The following ARHGAP29 variants were observed in gnomAD, a reference collection of about 807,000 sequenced individuals.
ARHGAP29 encodes the protein rho GTPase-activating protein 29.
ARHGAP29 carries 43 observed loss-of-function variants against 122.6 expected under a neutral mutation model. That is an observed-to-expected ratio of 0.35 (90% CI 0.27 to 0.45). The LOEUF is 0.45. ARHGAP29 is among the 20% of genes least tolerant of loss of function. The probability of loss-of-function intolerance (pLI) is 1.00; values close to 1 mark genes in which losing one functional copy is unlikely to be tolerated. For synonymous variants in ARHGAP29, 506 were observed against 497.1 expected, an observed-to-expected ratio of 1.02 and a Z score of -0.24; for missense variants, 1,303 against 1,477.2, an observed-to-expected ratio of 0.88 and a Z score of 1.93.
chr1:94,292,453 C>T, the ARHGAP29 span, among the ~76,000 whole-genome samples: 15 of 152,128 alleles, frequency 9.9e-5, no homozygotes, highest in Admixed American at 3.3e-4. Flanking sequence ...AGCCTACTTC[C>T]GTCAACTTGT....
At chr1:94,282,373 C>T in the ARHGAP29 span, among the ~76,000 whole-genome samples, 1 of 151,872 alleles carries the variant, frequency 6.6e-6, no homozygotes, top group African/African-American at 2.4e-5. Context: ...GCAGCCTTGA[C>T]CTCCTGGACT....
chr1:94,257,793 C>T (rs908797629), intron 1 of ARHGAP29, among the ~76,000 whole-genome samples: 1 of 152,150 alleles, frequency 6.6e-6, no homozygotes, highest in Non-Finnish European at 1.5e-5. Flanking sequence ...TGCTCTATAA[C>T]AGCAGCAAGG....
chr1:94,265,845 C>T (rs1461929237), intron 1 of ARHGAP29, among the ~76,000 whole-genome samples: 2 of 152,088 alleles, frequency 1.3e-5, no homozygotes, highest in Non-Finnish European at 2.9e-5. Context: ...TGCTATTTCA[C>T]CAGAGGGAAT....
In ARHGAP29 at chr1:94,185,475, T is replaced by C. The variant is rs774576132; in HGVS notation, c.1787A>G (p.Asn596Ser). 1.6e-5 allele frequency: 26 copies of C among 1,603,046 alleles called. No individual in the cohort carries two copies. The Admixed American group carries it at 4.2e-4, about 26-fold the overall frequency. Residue 596 changes from asparagine (N) to serine (S), a missense_variant, in exon 17 of 23, where the codon AAT becomes AGT. Physicochemically the swap from Asn to Ser is conservative, Grantham distance 46. This residue lies in a region of ARHGAP29 where 91 missense variants were observed against 177.8 expected (regional missense o/e 0.51). Coordinates refer to ENST00000260526, the MANE Select transcript of ARHGAP29 (RefSeq NM_004815.4). ...EPPSPSETGP[N>S]SLGTFKKTLM... ...TGTTTTCTTAAATGTTCCAAGGGAA[T>C]TGGGTCCTTGCAAGAGAAATAATTT...
intron 1 of ARHGAP29, among the ~76,000 whole-genome samples, chr1:94,257,664 G>C (rs940053655): frequency 1.3e-5 from 2 of 152,108 alleles, no homozygotes; most frequent in Non-Finnish European, 2.9e-5. Context: ...AGCTGTGATT[G>C]TTCCACTGCA....
At chr1:94,259,839 C>G (rs1654491211) in intron 1 of ARHGAP29, among the ~76,000 whole-genome samples, 1 of 152,154 alleles carries the variant, frequency 6.6e-6, no homozygotes, top group Non-Finnish European at 1.5e-5. Context: ...TACTAAAATG[C>G]CCTTTCAAGA....
intron 12 of ARHGAP29, among the ~76,000 whole-genome samples, chr1:94,196,493 C>T (rs1650489516): frequency 6.6e-6 from 1 of 151,622 alleles, no homozygotes; most frequent in Admixed American, 6.6e-5. Flanking sequence ...GATCTCCTGA[C>T]CTCGTGATCC....
chr1:94,186,155 C>G (rs1191328653), intron 16 of ARHGAP29, among the ~76,000 whole-genome samples: 3 of 152,122 alleles, frequency 2.0e-5, no homozygotes, highest in Non-Finnish European at 2.9e-5. Context: ...TTTGAAGGAG[C>G]TTTTTAGAAT....
chr1:94,213,997 T>C (rs1268886728), intron 3 of ARHGAP29, among the ~76,000 whole-genome samples: 2 of 152,148 alleles, frequency 1.3e-5, no homozygotes, highest in East Asian at 3.9e-4. Context: ...AATATGTATG[T>C]TGGACAAGCT....
At chr1:94,241,750 A>AT (rs1188927008), upstream of ARHGAP29, among the ~76,000 whole-genome samples, 8 of 117,582 alleles carry the variant, frequency 6.8e-5, no homozygotes, top group Non-Finnish European at 1.5e-4. Flanking sequence ...ATATATATAT[A>AT]AAATCAAATG....
intron 12 of ARHGAP29, among the ~76,000 whole-genome samples, chr1:94,196,276 T>C (rs1365238153): frequency 1.4e-5 from 2 of 144,988 alleles, no homozygotes; most frequent in Non-Finnish European, 3.0e-5. Context: ...TTTTTTTTTT[T>C]TTTGAGACGG....
Position 94,186,230 on chromosome 1 carries a change from T to C in ARHGAP29, c.1780+269A>G, listed in dbSNP as rs186255130. Among the ~76,000 whole-genome samples the C allele has an allele frequency of 2.2e-3, 331 of 152,304 alleles. 1 individual carries two copies. The highest frequency in any genetic ancestry group is 7.4e-3 in the African/African-American group (306 of 41,554). On this transcript the variant is annotated intron_variant, in intron 16 of 22. Transcript: ENST00000260526. ...ATTAGGTTTATGAAAATGCACAATA[T>C]CTAGCCTGTTATTTTAGCACCATGC...
the ARHGAP29 span, among the ~76,000 whole-genome samples, chr1:94,294,568 G>A: frequency 6.6e-6 from 1 of 152,140 alleles, no homozygotes; most frequent in Non-Finnish European, 1.5e-5. Context: ...TTACAGGTGT[G>A]AGCTACCACA....
At chr1:94,176,225 T>C (rs1471861218) in intron 22 of ARHGAP29, among the ~76,000 whole-genome samples, 1 of 152,244 alleles carries the variant, frequency 6.6e-6, no homozygotes, top group African/African-American at 2.4e-5. Context: ...GCAATATCAC[T>C]GTCCTATGTG....
Position 94,185,374 on chromosome 1 carries a change from T to C in ARHGAP29, c.1888A>G (p.Ile630Val), listed in dbSNP as rs1351510008. Residue 630 changes from isoleucine (I) to valine (V), a missense_variant, in exon 17 of 23, where the codon ATT (isoleucine) becomes GTT (valine). Physicochemically the swap from Ile to Val is conservative, Grantham distance 29 (BLOSUM62 3). Coordinates refer to ENST00000260526, the MANE Select transcript of ARHGAP29 (RefSeq NM_004815.4). ...SPTKCRDCEG[I>V]VVFQGVECEE... ...CATTCAACACCTTGGAACACTACAA[T>C]GCCTTCACAATCCCTACATTTCGTG... 6.2e-7 allele frequency: 1 copy of C among 1,611,794 alleles called. No homozygotes were observed. The highest frequency in any genetic ancestry group is 2.2e-5 in the East Asian group (1 of 44,802).
At chr1:94,177,543 T>G in intron 22 of ARHGAP29, 69 bp downstream of exon 22, 1 of 1,265,940 alleles carries the variant, frequency 7.9e-7, no homozygotes, top group Non-Finnish European at 1.1e-6. Context: ...CTCACCTTGG[T>G]TTTAATCACG....
chr1:94,254,720 G>T (rs959091350), intron 1 of ARHGAP29, among the ~76,000 whole-genome samples: 1 of 152,218 alleles, frequency 6.6e-6, no homozygotes, highest in Non-Finnish European at 1.5e-5. Flanking sequence ...GAGTTGCTTT[G>T]TGAGTCAGAA....
chr1:94,265,206 G>C (rs1654715061), intron 1 of ARHGAP29, among the ~76,000 whole-genome samples: 1 of 152,152 alleles, frequency 6.6e-6, no homozygotes, highest in Non-Finnish European at 1.5e-5. Context: ...ATCCTGACTT[G>C]CTTCTGACCT....
chr1:94,237,322 C>T (rs1369877938), intron 1 of ARHGAP29, 93 bp downstream of exon 1: 2 of 890,982 alleles, frequency 2.2e-6, no homozygotes, highest in Non-Finnish European at 2.7e-6. Context: ...CCTCCCGGAC[C>T]CTGGACGGCA....
Sources: gnomAD v4.1 joint callset for allele counts (sites outside exome capture counted in the v4.1 genomes callset) on GRCh38, gnomAD v4.1.1 for gene constraint, gnomAD v4.1.1 regional missense constraint, MANE v1.5 for transcripts, NCBI Gene and HGNC (gene_info 2026-07-23, HGNC 2026-07-21) for gene names.